The following MBTPS2 variants were observed in gnomAD, a reference collection of about 807,000 sequenced individuals.
MBTPS2 encodes the protein membrane bound transcription factor peptidase, site 2.
MBTPS2 carries 2 observed loss-of-function variants against 35.4 expected under a neutral mutation model. The observed-to-expected ratio is 0.06, with a 90% CI of 0.02 to 0.18. MBTPS2 has a LOEUF of 0.18. MBTPS2 is among the 10% of genes least tolerant of loss of function. MBTPS2 has a pLI of 1.00. For missense variants in MBTPS2, 244 were observed against 386.5 expected (o/e 0.63, Z 3.09); for synonymous variants, 125 against 140.4 (o/e 0.89, Z 0.77).
At chrX:21,874,020 CTT>C (rs57913652) in intron 7 of MBTPS2, among the ~76,000 whole-genome samples, 13 of 51,024 alleles carry the variant, frequency 2.5e-4, no homozygotes, top group South Asian at 9.9e-4. Context: ...TATATATATA[CTT>C]TTTTTTTTTT....
Position 21,862,967 on chromosome X carries a change from T to TATATATATATATAA in MBTPS2, c.671-5499_671-5498insTATATATATATAAA, listed in dbSNP as rs1283198445. Among the ~76,000 whole-genome samples the TATATATATATATAA allele has an allele frequency of 2.8e-3, 162 of 58,332 alleles. 6 individuals carry two copies. Among genetic ancestry groups the TATATATATATATAA allele is most frequent in the Non-Finnish European group, 4.4e-3 (141 of 32,247 alleles). 50.7% of individuals were successfully genotyped at this position (58,332 alleles called of 115,157 possible). A position where few individuals can be genotyped will look rare whatever the true frequency, so the allele number is the denominator to read the frequency against. ...ATATATATATATATATATATATATATAAAACCGACTGGGCGCGGTGGCTCA... is the reference window on the plus strand; with the variant it reads ...ATATATATATATATATATATATATATATATATATATATAAAAAACCGACTGGGCGCGGTGGCTCA... On this transcript the variant is annotated intron_variant, in intron 5 of 10. Coordinates refer to ENST00000379484, the MANE Select transcript of MBTPS2 (RefSeq NM_015884.4).
intron 9 of MBTPS2, among the ~76,000 whole-genome samples, chrX:21,879,469 G>A (rs2092956631): frequency 9.0e-6 from 1 of 110,776 alleles, no homozygotes; most frequent in South Asian, 3.8e-4. Context: ...TTGTAGAGAC[G>A]GAGTCTCACT....
At chrX:21,873,586 C>T (rs368047519) in intron 7 of MBTPS2, among the ~76,000 whole-genome samples, 3 of 111,665 alleles carry the variant, frequency 2.7e-5, no homozygotes, top group Non-Finnish European at 5.6e-5. Context: ...TTAAGGAGCA[C>T]GAGACAGAAT....
intron 9 of MBTPS2, among the ~76,000 whole-genome samples, chrX:21,879,667 C>G (rs1031848529): frequency 1.8e-5 from 2 of 111,052 alleles, no homozygotes; most frequent in African/African-American, 6.6e-5. Context: ...AACTCCATAA[C>G]CATTAAGTAG....
At chrX:21,846,022 G>T (rs1316562000) in intron 3 of MBTPS2, among the ~76,000 whole-genome samples, 1 of 111,443 alleles carries the variant, frequency 9.0e-6, no homozygotes, top group Non-Finnish European at 1.9e-5. Context: ...TTTTAATCAT[G>T]TTCTTATTAA....
At chrX:21,865,545 A>G (rs2092938646) in intron 5 of MBTPS2, among the ~76,000 whole-genome samples, 1 of 112,551 alleles carries the variant, frequency 8.9e-6, no homozygotes, top group Non-Finnish European at 1.9e-5. Context: ...TCTTATTTGT[A>G]TAAGCCAGTT....
Position 21,885,293 on chromosome X carries a change from A to G in MBTPS2, c.*2638A>G. 3 of 752,811 alleles carry G rather than the reference A, an allele frequency of 4.0e-6. No homozygotes were observed. The highest frequency in any genetic ancestry group is 4.7e-6 in the Non-Finnish European group (3 of 638,003). The allele number at this position is 752,811 out of a possible 1,213,427, so 62.0% of individuals were successfully genotyped here. A position where few individuals can be genotyped will look rare whatever the true frequency, so the allele number is the denominator to read the frequency against. On this transcript the variant is annotated 3_prime_UTR_variant, in exon 11 of 11. Transcript: ENST00000379484. Reference sequence around the variant, plus strand: ...GAATGTTCACATACTAATGGTGCACAGGTGTTTTTTTCTATAAATCTTCTG... The same window carrying G: ...GAATGTTCACATACTAATGGTGCACGGGTGTTTTTTTCTATAAATCTTCTG...
intron 5 of MBTPS2, among the ~76,000 whole-genome samples, chrX:21,863,877 T>G (rs1416387182): frequency 3.6e-5 from 4 of 110,976 alleles, no homozygotes; most frequent in Non-Finnish European, 7.6e-5. Context: ...AGGTTAGGGG[T>G]GGGGAGGAGA....
chrX:21,851,732 C>CA, intron 4 of MBTPS2, 120 bp downstream of exon 4: 1 of 540,411 alleles, frequency 1.9e-6, no homozygotes, highest in Non-Finnish European at 3.3e-6. Flanking sequence ...GCGGCTATTG[C>CA]CTAGTGCATA....
chrX:21,848,460 C>T lies in MBTPS2; in HGVS notation c.439-3049C>T, dbSNP rs187754664. Among the ~76,000 whole-genome samples, 3 of 109,579 alleles carry T rather than the reference C, an allele frequency of 2.7e-5. No individual in the cohort carries two copies. In the Admixed American group the frequency reaches 2.9e-4, roughly 11 times the overall value. ...TGGGTGGATCACGAGGTCAGGAGAT[C>T]GAGACCATCCTGGCTAACATGGTGA... On this transcript the variant is annotated intron_variant, in intron 3 of 10. Coordinates refer to ENST00000379484, the MANE Select transcript of MBTPS2 (RefSeq NM_015884.4).
At chrX:21,873,993 G>A in intron 7 of MBTPS2, among the ~76,000 whole-genome samples, 1 of 66,576 alleles carries the variant, frequency 1.5e-5, no homozygotes, top group Admixed American at 2.0e-4. Flanking sequence ...GTGTGTGTGT[G>A]TGTGTGTGTA....
At chrX:21,849,166 A>G (rs1443781563) in intron 3 of MBTPS2, among the ~76,000 whole-genome samples, 2 of 112,013 alleles carry the variant, frequency 1.8e-5, no homozygotes, top group African/African-American at 6.5e-5. Context: ...GTGTTGTAGG[A>G]AACCATGAAT....
intron 5 of MBTPS2, among the ~76,000 whole-genome samples, chrX:21,855,830 G>A (rs1417833004): frequency 8.6e-5 from 9 of 104,658 alleles, no homozygotes; most frequent in Admixed American, 6.1e-4. Context: ...CAGCCTGGGC[G>A]ACGGAGCGAG....
At chrX:21,865,758 C>T (rs910609492) in intron 5 of MBTPS2, among the ~76,000 whole-genome samples, 2 of 112,204 alleles carry the variant, frequency 1.8e-5, no homozygotes, top group Non-Finnish European at 3.8e-5. Flanking sequence ...ACCTGTAAAT[C>T]ATTTCTGTGT....
intron 5 of MBTPS2, among the ~76,000 whole-genome samples, chrX:21,859,954 G>C (rs759514986): frequency 9.0e-6 from 1 of 110,509 alleles, no homozygotes; most frequent in South Asian, 3.9e-4. Flanking sequence ...TTAGCTGAGT[G>C]TGGGGCGCAC....
At chrX:21,850,110 A>G (rs2092913328) in intron 3 of MBTPS2, among the ~76,000 whole-genome samples, 2 of 110,424 alleles carry the variant, frequency 1.8e-5, no homozygotes, top group South Asian at 7.7e-4. Context: ...AAGTATGCTC[A>G]TCTAAGAATT....
rs541578119 is a variant in MBTPS2, at chrX:21,863,484, A to G, written c.671-4983A>G. On this transcript the variant is annotated intron_variant, in intron 5 of 10. Transcript: ENST00000379484. ...GAGTCATGGGGCTGGTGGTTGAGAA[A>G]TGGTATTTGGGAAAGATGACTTTTT... Among the ~76,000 whole-genome samples, 81 of 110,347 alleles carry G rather than the reference A, an allele frequency of 7.3e-4. 1 individual carries two copies. The Middle Eastern group carries it at 0.019, about 26-fold the overall frequency.
intron 7 of MBTPS2, among the ~76,000 whole-genome samples, chrX:21,875,705 T>A (rs1169378611): frequency 8.9e-6 from 1 of 112,051 alleles, no homozygotes; most frequent in Non-Finnish European, 1.9e-5. Context: ...CTCAGGGAGC[T>A]CAAAGTTGAG....
At chrX:21,843,705 A>C (rs1315528911) in intron 2 of MBTPS2, among the ~76,000 whole-genome samples, 1 of 112,220 alleles carries the variant, frequency 8.9e-6, no homozygotes, top group East Asian at 2.8e-4. Flanking sequence ...AAAATGCAAT[A>C]GCAGATCAAA....
Sources: gnomAD v4.1 joint callset for allele counts (sites outside exome capture counted in the v4.1 genomes callset) on GRCh38, gnomAD v4.1.1 for gene constraint, MANE v1.5 for transcripts, NCBI Gene and HGNC (gene_info 2026-07-23, HGNC 2026-07-21) for gene names.